ST3GAL6: variants seen among roughly 807,000 people sequenced by gnomAD.
ST3GAL6 encodes ST3 beta-galactoside alpha-2,3-sialyltransferase 6.
ST3GAL6 carries 31 observed loss-of-function variants against 40.5 expected under a neutral mutation model. The observed-to-expected ratio is 0.77, with a 90% CI of 0.58 to 1.03. The LOEUF (loss-of-function observed/expected upper bound fraction) is 1.03, where lower values mean the gene tolerates loss of function less well. Among genes scored for constraint, ST3GAL6 ranks in the 50% least tolerant of loss-of-function variants. The pLI is 0.00. For synonymous variants in ST3GAL6, 129 were observed against 136.9 expected, an observed-to-expected ratio of 0.94 and a Z score of 0.40; for missense variants, 357 against 393.2, an observed-to-expected ratio of 0.91 and a Z score of 0.78.
At chr3:98,767,996 GC>G (rs1938542520) in intron 1 of ST3GAL6, among the ~76,000 whole-genome samples, 1 of 152,088 alleles carries the variant, frequency 6.6e-6, no homozygotes, top group African/African-American at 2.4e-5. Context: ...ATCATTTCAA[GC>G]ACTGAAGAAA....
chr3:98,748,655 G>A (rs61583865), intron 1 of ST3GAL6, among the ~76,000 whole-genome samples: 130 of 152,144 alleles, frequency 8.5e-4, no homozygotes, highest in African/African-American at 3.1e-3. Flanking sequence ...TCGTAGAGAC[G>A]GGGTTTTGCC....
At chr3:98,774,859 G>A (rs1302057441) in intron 5 of ST3GAL6, among the ~76,000 whole-genome samples, 2 of 152,202 alleles carry the variant, frequency 1.3e-5, no homozygotes, top group Non-Finnish European at 2.9e-5. Flanking sequence ...TGCTTGACGT[G>A]AAGTGTGTAT....
At chr3:98,783,521 A>G (rs1940388984) in intron 5 of ST3GAL6, 5 of 972,142 alleles carry the variant, frequency 5.1e-6, no homozygotes, top group Non-Finnish European at 6.1e-6. Context: ...CAAATCAAAT[A>G]TAATATGTCT....
intron 1 of ST3GAL6, among the ~76,000 whole-genome samples, chr3:98,746,337 G>T (rs1471885665): frequency 1.3e-5 from 2 of 152,140 alleles, no homozygotes; most frequent in Non-Finnish European, 2.9e-5. Context: ...GGTTGTGAAA[G>T]TGAGGCCAAA....
chr3:98,793,153 T>A (rs1203572264), intron 9 of ST3GAL6, among the ~76,000 whole-genome samples: 2 of 152,226 alleles, frequency 1.3e-5, no homozygotes, highest in African/African-American at 4.8e-5. Flanking sequence ...TGATTTCTCC[T>A]CCGCCCTAAA....
rs35917234 is a variant in ST3GAL6 at position 98,792,512 on chromosome 3, AT to A, written c.909+535del. ...ATTTTTTTTAACAATTTTAGTTTAA[AT>A]TTTTTTTTTTTTTTTGAGAGTCTCA... On this transcript the variant is annotated intron_variant, in intron 9 of 9. Transcript: ENST00000483910. 4.1e-3 allele frequency among the ~76,000 whole-genome samples: 564 copies of A among 138,730 alleles called. 1 individual carries two copies. Among genetic ancestry groups the A allele is most frequent in the African/African-American group, 6.1e-3 (224 of 36,910 alleles). The allele number at this position is 138,730 out of a possible 152,430, so 91.0% of individuals were successfully genotyped here.
chr3:98,778,185 G>A (rs3755576), intron 5 of ST3GAL6, among the ~76,000 whole-genome samples: 62,699 of 152,020 alleles, frequency 0.41, 13,085 homozygotes, highest in Non-Finnish European at 0.45. Flanking sequence ...TATCTTACCT[G>A]ACTAAAGCAC....
intron 1 of ST3GAL6, among the ~76,000 whole-genome samples, chr3:98,766,104 T>C (rs1938294574): frequency 6.6e-6 from 1 of 152,210 alleles, no homozygotes; most frequent in African/African-American, 2.4e-5. Flanking sequence ...AGTGGGTTCG[T>C]TTTATTGTTT....
At chr3:98,756,606 T>C in intron 1 of ST3GAL6, 2 of 1,120,504 alleles carry the variant, frequency 1.8e-6, no homozygotes, top group Non-Finnish European at 2.3e-6. Flanking sequence ...CTTGTAATGT[T>C]CTTATACAAT....
At position 98,733,278 on chromosome 3, in the gene ST3GAL6, C is replaced by G. The variant is rs998388238; in HGVS notation, c.-12+746C>G. On this transcript the variant is annotated intron_variant, in intron 1 of 9. Transcript: ENST00000265261. The stretch of plus-strand genomic sequence containing the variant: ...GAGAGGGCACCCGGGGATCCTGGAG[C>G]CCCAGTGAAGGGCGGGAGGGACGCG... 13 of 984,912 alleles carry G rather than the reference C, an allele frequency of 1.3e-5. No homozygotes were observed. In the African/African-American group the frequency reaches 1.9e-4, roughly 15 times the overall value. 61.0% of individuals were successfully genotyped at this position (984,912 alleles called of 1,614,324 possible).
intron 1 of ST3GAL6, among the ~76,000 whole-genome samples, chr3:98,752,448 TTTTC>T (rs1203401284): frequency 1.3e-5 from 2 of 151,734 alleles, no homozygotes; most frequent in Non-Finnish European, 2.9e-5. Flanking sequence ...ATATATATTT[TTTTC>T]TTTCTTTTTA....
upstream of ST3GAL6, among the ~76,000 whole-genome samples, chr3:98,760,092 T>C (rs190449067): frequency 3.2e-4 from 48 of 152,346 alleles, no homozygotes; most frequent in Middle Eastern, 3.4e-3. Context: ...CTTCTGTTGA[T>C]TGAAAACTTT....
intron 3 of ST3GAL6, 116 bp downstream of exon 3, chr3:98,771,072 C>T: frequency 2.0e-6 from 3 of 1,468,576 alleles, no homozygotes; most frequent in Non-Finnish European, 2.8e-6. Flanking sequence ...AGTGGACACC[C>T]CATATTTAAG....
intron 1 of ST3GAL6, among the ~76,000 whole-genome samples, chr3:98,756,210 T>C (rs1475691546): frequency 1.3e-5 from 2 of 152,224 alleles, no homozygotes; most frequent in Non-Finnish European, 2.9e-5. Flanking sequence ...GTTTTGTTTT[T>C]GTGTTTGGTA....
intron 1 of ST3GAL6, 110 bp from the exon 2 acceptor site, chr3:98,768,320 A>G (rs1315337632): frequency 1.4e-5 from 11 of 794,126 alleles, no homozygotes; most frequent in Non-Finnish European, 2.4e-5. Context: ...ATTTTTTTCT[A>G]TAGTTCCTTT....
intron 8 of ST3GAL6, among the ~76,000 whole-genome samples, chr3:98,788,994 G>A (rs1940988069): frequency 6.6e-6 from 1 of 152,330 alleles, no homozygotes; most frequent in East Asian, 1.9e-4. Context: ...GGTAGCTACA[G>A]CAATATTGAA....
At chr3:98,736,536 T>G (rs1935559924) in intron 1 of ST3GAL6, among the ~76,000 whole-genome samples, 1 of 152,136 alleles carries the variant, frequency 6.6e-6, no homozygotes, top group African/African-American at 2.4e-5. Context: ...TTGTTATGGC[T>G]GTGGGTCAGA....
At chr3:98,760,817 C>T (rs1470339119), upstream of ST3GAL6, among the ~76,000 whole-genome samples, 1 of 152,114 alleles carries the variant, frequency 6.6e-6, no homozygotes, top group East Asian at 1.9e-4. Flanking sequence ...ATGTGTATTG[C>T]CTGATAAATA....
intron 1 of ST3GAL6, among the ~76,000 whole-genome samples, chr3:98,751,378 G>T (rs988701574): frequency 9.2e-5 from 14 of 152,078 alleles, no homozygotes; most frequent in Non-Finnish European, 2.1e-4. Context: ...ATTTCTTTAG[G>T]TTCAAAATTC....
Sources: gnomAD v4.1 joint callset for allele counts (sites outside exome capture counted in the v4.1 genomes callset) on GRCh38, gnomAD v4.1.1 for gene constraint, MANE v1.5 for transcripts, NCBI Gene and HGNC (gene_info 2026-07-23, HGNC 2026-07-21) for gene names.